Variants in B4GALT5 observed in about 807,000 individuals in gnomAD.
B4GALT5 encodes the protein beta-1,4-galactosyltransferase 5.
A neutral mutation model predicts 45.0 loss-of-function variants in B4GALT5; 11 were observed. The observed-to-expected ratio is 0.24, with a 90% CI of 0.15 to 0.40. The LOEUF (loss-of-function observed/expected upper bound fraction) is 0.40, where lower values mean the gene tolerates loss of function less well. B4GALT5 is among the 10% of genes least tolerant of loss of function. The pLI is 1.00. For missense variants in B4GALT5, 337 were observed against 500.2 expected (o/e 0.67, Z 3.11); for synonymous variants, 185 against 182.9 (o/e 1.01, Z -0.09).
chr20:49,687,157 G>A (rs534446856), intron 1 of B4GALT5, among the ~76,000 whole-genome samples: 2 of 152,128 alleles, frequency 1.3e-5, no homozygotes, highest in Non-Finnish European at 2.9e-5. Flanking sequence ...AGGCCACAGA[G>A]GCTGCAAAAC....
intron 1 of B4GALT5, among the ~76,000 whole-genome samples, chr20:49,658,753 C>T (rs1229979723): frequency 2.0e-5 from 3 of 152,154 alleles, no homozygotes; most frequent in Non-Finnish European, 4.4e-5. Flanking sequence ...CAGACTGATG[C>T]ATCTGGTCTG....
chr20:49,680,825 G>A (rs771241816), intron 1 of B4GALT5, among the ~76,000 whole-genome samples: 10 of 151,766 alleles, frequency 6.6e-5, no homozygotes, highest in Non-Finnish European at 1.2e-4. Flanking sequence ...AGTTTATTAA[G>A]AAAGTAAAGA....
chr20:49,672,607 T>C (rs907537728), intron 1 of B4GALT5, among the ~76,000 whole-genome samples: 2 of 152,176 alleles, frequency 1.3e-5, no homozygotes, highest in African/African-American at 4.8e-5. Context: ...TTTAGCTAAG[T>C]AATGTTCACA....
chr20:49,668,610 C>A lies in B4GALT5; in HGVS notation c.116-11908G>T, dbSNP rs906935108. Among the ~76,000 whole-genome samples the A allele has an allele frequency of 2.0e-5, 3 of 151,264 alleles. No homozygotes were observed. In the East Asian group the frequency reaches 5.9e-4, roughly 30 times the overall value. ...GGAGAATGGGTGGGGGTGGGGGGGG[C>A]GTCAGGGTATGACGGATGTTGCTGA... On this transcript the variant is annotated intron_variant, in intron 1 of 8. Transcript: ENST00000371711.
intron 2 of B4GALT5, among the ~76,000 whole-genome samples, chr20:49,647,451 T>C (rs1277406003): frequency 6.6e-6 from 1 of 152,236 alleles, no homozygotes; most frequent in Non-Finnish European, 1.5e-5. Flanking sequence ...TATTCACCTC[T>C]GTCAGCCTCT....
chr20:49,656,486 A>G (rs2123018281), intron 2 of B4GALT5, 82 bp downstream of exon 2: 1 of 1,556,758 alleles, frequency 6.4e-7, no homozygotes, highest in Middle Eastern at 1.7e-4. Flanking sequence ...CGCTTTTCCC[A>G]TTGAAAATAA....
At position 49,633,382 on chromosome 20, in the gene B4GALT5, C is replaced by G; in HGVS notation, c.*2930G>C. On this transcript the variant is annotated 3_prime_UTR_variant, in exon 9 of 9. Coordinates refer to ENST00000371711, the MANE Select transcript of B4GALT5 (RefSeq NM_004776.4). ...AAGACAAGATTAAGGGGCCACCCATCAGTAGCCTTGAAGATTTTCAGCTAC... is the reference window on the plus strand; with the variant it reads ...AAGACAAGATTAAGGGGCCACCCATGAGTAGCCTTGAAGATTTTCAGCTAC... The G allele has an allele frequency of 6.7e-6, 1 of 149,670 alleles. No individual in the cohort carries two copies. Among genetic ancestry groups the G allele is most frequent in the East Asian group, 2.0e-4 (1 of 5,028 alleles). 9.3% of individuals were successfully genotyped at this position (149,670 alleles called of 1,614,324 possible).
chr20:49,653,654 G>A (rs1382834801), intron 2 of B4GALT5, among the ~76,000 whole-genome samples: 2 of 152,140 alleles, frequency 1.3e-5, no homozygotes, highest in Non-Finnish European at 2.9e-5. Flanking sequence ...CTACCTTCTG[G>A]GTTCTTGTGA....
chr20:49,707,418 G>T (rs973499543), intron 1 of B4GALT5, among the ~76,000 whole-genome samples: 23 of 151,934 alleles, frequency 1.5e-4, no homozygotes, highest in African/African-American at 5.3e-4. Flanking sequence ...ATTCTCTGAA[G>T]TGAAGTAACC....
rs1309843556 is a variant in B4GALT5, at chr20:49,634,429, AAT to A, written c.*1881_*1882del. On this transcript the variant is annotated 3_prime_UTR_variant, in exon 9 of 9. Transcript: ENST00000371711. ...AAAGTACTCCTCATCACAATATATA[AAT>A]ATGTTTTATGGAAAACAAGGGCGGG... 1 of 152,402 alleles carries A rather than the reference AAT, an allele frequency of 6.6e-6. No homozygotes were observed. Among genetic ancestry groups the A allele is most frequent in the Non-Finnish European group, 1.5e-5 (1 of 68,028 alleles). The allele number at this position is 152,402 out of a possible 1,614,324, so 9.4% of individuals were successfully genotyped here. A position where few individuals can be genotyped will look rare whatever the true frequency, so the allele number is the denominator to read the frequency against.
chr20:49,669,684 G>A (rs1296130163), intron 1 of B4GALT5, among the ~76,000 whole-genome samples: 6 of 133,978 alleles, frequency 4.5e-5, no homozygotes, highest in East Asian at 4.4e-4. Flanking sequence ...CAACAAGAGC[G>A]AAACTCCACC....
chr20:49,636,997 G>A (rs1012402555), intron 8 of B4GALT5, among the ~76,000 whole-genome samples: 2 of 151,636 alleles, frequency 1.3e-5, no homozygotes, highest in South Asian at 2.1e-4. Context: ...GACACCATTC[G>A]GAACGGGAGC....
At chr20:49,639,839 C>A in intron 6 of B4GALT5, 39 bp from the exon 7 acceptor site, 1 of 1,606,870 alleles carries the variant, frequency 6.2e-7, no homozygotes, top group South Asian at 1.1e-5. Flanking sequence ...CTGTGTGTTA[C>A]AGGGTAACTG....
chr20:49,663,691 ATATATAC>A (rs1357213420), intron 1 of B4GALT5, among the ~76,000 whole-genome samples: 1,577 of 85,768 alleles, frequency 0.018, 208 homozygotes, highest in East Asian at 0.078. Flanking sequence ...AAAAAAAAAA[ATATATAC>A]ATATATATAT....
intron 1 of B4GALT5, among the ~76,000 whole-genome samples, chr20:49,678,121 CT>C (rs1445416207): frequency 6.6e-6 from 1 of 152,210 alleles, no homozygotes; most frequent in Non-Finnish European, 1.5e-5. Context: ...AGCAAACAAA[CT>C]TTATTTCTTC....
At chr20:49,657,139 T>C (rs922702498) in intron 1 of B4GALT5, among the ~76,000 whole-genome samples, 1 of 152,186 alleles carries the variant, frequency 6.6e-6, no homozygotes, top group Admixed American at 6.5e-5. Flanking sequence ...CTCTGACTGC[T>C]AGAAGCACTG....
chr20:49,647,450 C>CT (rs1338348969), intron 2 of B4GALT5, among the ~76,000 whole-genome samples: 1 of 152,234 alleles, frequency 6.6e-6, no homozygotes, highest in Non-Finnish European at 1.5e-5. Flanking sequence ...GTATTCACCT[C>CT]TGTCAGCCTC....
At chr20:49,710,422 G>T (rs200365184) in intron 1 of B4GALT5, among the ~76,000 whole-genome samples, 1,915 of 47,032 alleles carry the variant, frequency 0.041, 8 homozygotes, top group Non-Finnish European at 0.059. Context: ...TTTTTTTTGT[G>T]TGTGTGTGTG....
At chr20:49,665,481 A>AATG (rs1207078745) in intron 1 of B4GALT5, among the ~76,000 whole-genome samples, 5 of 138,242 alleles carry the variant, frequency 3.6e-5, no homozygotes, top group East Asian at 4.1e-4. Context: ...TAATAATAAT[A>AATG]ATGAAGAAAC....
Sources: gnomAD v4.1 joint callset for allele counts (sites outside exome capture counted in the v4.1 genomes callset) on GRCh38, gnomAD v4.1.1 for gene constraint, MANE v1.5 for transcripts, NCBI Gene and HGNC (gene_info 2026-07-23, HGNC 2026-07-21) for gene names.